The following SETDB1 variants were observed in gnomAD, a reference collection of about 807,000 sequenced individuals.
SETDB1 encodes histone-lysine N-methyltransferase SETDB1.
SETDB1 carries 31 observed loss-of-function variants against 137.4 expected under a neutral mutation model. That is an observed-to-expected ratio of 0.23 (90% confidence interval 0.17 to 0.30). The LOEUF is 0.30. SETDB1 is among the 10% of genes least tolerant of loss of function. The pLI is 1.00. For synonymous variants in SETDB1, 548 were observed against 579.9 expected (o/e 0.95, Z 0.79); for missense variants, 1,113 against 1,631.5 (o/e 0.68, Z 5.47).
At chr1:150,962,558 G>A (rs753493433) in intron 17 of SETDB1, 29 bp from the exon 18 acceptor site, 24 of 1,612,210 alleles carry the variant, frequency 1.5e-5, no homozygotes, top group Non-Finnish European at 2.0e-5. Flanking sequence ...CCAGTAACCT[G>A]TTGGCTTCAT....
chr1:150,959,129 G>A, intron 14 of SETDB1, 49 bp from the exon 15 acceptor site: 1 of 1,318,026 alleles, frequency 7.6e-7, no homozygotes, highest in Non-Finnish European at 1.0e-6. Flanking sequence ...GGATTTTTTT[G>A]TGCTCTAGTG....
At chr1:150,933,082 C>T (rs1669814912) in intron 3 of SETDB1, among the ~76,000 whole-genome samples, 1 of 151,886 alleles carries the variant, frequency 6.6e-6, no homozygotes. Flanking sequence ...GATTGATTGA[C>T]AAGGTCTCAC....
At chr1:150,927,257 C>T (rs997465915) in intron 1 of SETDB1, among the ~76,000 whole-genome samples, 2 of 152,162 alleles carry the variant, frequency 1.3e-5, no homozygotes, top group Admixed American at 1.3e-4. Context: ...TCCTGAGTAG[C>T]TGGAACTAAA....
At chr1:150,957,245 A>G (rs1175864724) in intron 14 of SETDB1, among the ~76,000 whole-genome samples, 1 of 151,984 alleles carries the variant, frequency 6.6e-6, no homozygotes, top group African/African-American at 2.4e-5. Context: ...GCATGCACCT[A>G]TAATCCCAGC....
In SETDB1 at chr1:150,962,964, G is replaced by C; in HGVS notation, c.3295-10G>C. 1.9e-6 allele frequency: 3 copies of C among 1,612,048 alleles called. No individual in the cohort carries two copies. Among genetic ancestry groups the C allele is most frequent in the Non-Finnish European group, 2.5e-6 (3 of 1,178,554 alleles). On this transcript the variant is annotated splice_polypyrimidine_tract_variant and intron_variant, in intron 18 of 21. Coordinates refer to ENST00000692827, the MANE Select transcript of SETDB1 (RefSeq NM_001366418.1). ...TACTTCTCTTACTTCTTACCCTCCT[G>C]CTTCCCCAGGATGTCCTGACACTGT...
At chr1:150,946,781 G>A in intron 9 of SETDB1, 105 bp from the exon 10 acceptor site, 1 of 1,352,352 alleles carries the variant, frequency 7.4e-7, no homozygotes, top group East Asian at 2.4e-5. Flanking sequence ...AGGCTCATCA[G>A]GGAGGATTCC....
intron 3 of SETDB1, among the ~76,000 whole-genome samples, chr1:150,938,439 A>C (rs930601956): frequency 1.3e-5 from 2 of 152,138 alleles, no homozygotes; most frequent in Non-Finnish European, 2.9e-5. Flanking sequence ...GAAATTCTTC[A>C]TCACTCCAGA....
intron 3 of SETDB1, among the ~76,000 whole-genome samples, chr1:150,931,545 A>C (rs1669746487): frequency 6.6e-6 from 1 of 151,226 alleles, no homozygotes; most frequent in South Asian, 2.1e-4. Context: ...AAACCACACT[A>C]CTACATGTAT....
rs768614987 is a variant in SETDB1 at position 150,962,929 on chromosome 1, C to T, written c.3295-45C>T. 3.8e-6 allele frequency: 6 copies of T among 1,597,662 alleles called. No homozygotes were observed. The African/African-American group carries it at 4.0e-5, about 11-fold the overall frequency. On this transcript the variant is annotated intron_variant, in intron 18 of 21. Coordinates refer to ENST00000692827, the MANE Select transcript of SETDB1 (RefSeq NM_001366418.1). ...GGTAACAGCAAGGACTTAAAGGAGCCCTTCCCATTTACTTCTCTTACTTCT... is the reference window on the plus strand; with the variant it reads ...GGTAACAGCAAGGACTTAAAGGAGCTCTTCCCATTTACTTCTCTTACTTCT...
rs61548246 is a variant in SETDB1, at chr1:150,930,519, C to CTTTTTTTTTTTT, written c.412+417_412+428dup. 11 of 65,852 alleles carry CTTTTTTTTTTTT rather than the reference C, an allele frequency of 1.7e-4. 1 individual carries two copies. Among genetic ancestry groups the CTTTTTTTTTTTT allele is most frequent in the Non-Finnish European group, 2.0e-4 (8 of 39,106 alleles). The allele number at this position is 65,852 out of a possible 1,614,324, so 4.1% of individuals were successfully genotyped here. A position where few individuals can be genotyped will look rare whatever the true frequency, so the allele number is the denominator to read the frequency against. On this transcript the variant is annotated intron_variant, in intron 3 of 21. Transcript: ENST00000692827. ...CTTTTTGTTGATTCCTTAGGATTTT[C>CTTTTTTTTTTTT]TTTTTTTTTTTTTTTTTTTTTTTTT...
chr1:150,954,145 C>T (rs587612950), intron 14 of SETDB1, among the ~76,000 whole-genome samples: 11 of 152,256 alleles, frequency 7.2e-5, no homozygotes, highest in Non-Finnish European at 1.3e-4. Flanking sequence ...TGAGCCACCG[C>T]GCCCAGCCTA....
chr1:150,937,067 G>C (rs1302754188), intron 3 of SETDB1, among the ~76,000 whole-genome samples: 1 of 152,098 alleles, frequency 6.6e-6, no homozygotes, highest in Non-Finnish European at 1.5e-5. Context: ...GGAGGTTGCT[G>C]TGAGCCAAGA....
At chr1:150,948,270 ATT>A (rs376302541) in intron 10 of SETDB1, among the ~76,000 whole-genome samples, 8 of 135,838 alleles carry the variant, frequency 5.9e-5, no homozygotes, top group African/African-American at 8.2e-5. Flanking sequence ...CAGAGTAGCA[ATT>A]TTTTTTTTTT....
chr1:150,934,230 T>C (rs1051865800), intron 3 of SETDB1, among the ~76,000 whole-genome samples: 37 of 152,054 alleles, frequency 2.4e-4, no homozygotes, highest in African/African-American at 8.5e-4. Context: ...CCCAGCACTT[T>C]GGGAGGCCGA....
At chr1:150,963,374 A>G (rs1235465775) in intron 19 of SETDB1, 156 bp from the exon 20 acceptor site, 7 of 806,834 alleles carry the variant, frequency 8.7e-6, no homozygotes, top group South Asian at 1.7e-5. Context: ...ATTATGCTTG[A>G]AAAAAAAACC....
Position 150,951,357 on chromosome 1 carries a change from T to G in SETDB1, c.2217-8T>G. 1 of 1,580,528 alleles carries G rather than the reference T, an allele frequency of 6.3e-7. No homozygotes were observed. Among genetic ancestry groups the G allele is most frequent in the Non-Finnish European group, 8.7e-7 (1 of 1,149,648 alleles). ...CGCTCCTTTCCTTTATTTCCCTCTGTCATATAGGTCCAAGTGTGCCTGCCA... is the reference window on the plus strand; with the variant it reads ...CGCTCCTTTCCTTTATTTCCCTCTGGCATATAGGTCCAAGTGTGCCTGCCA... On this transcript the variant is annotated splice_polypyrimidine_tract_variant and splice_region_variant and intron_variant, in intron 13 of 21. Transcript: ENST00000692827.
chr1:150,942,524 A>C, intron 5 of SETDB1, 39 bp from the exon 6 acceptor site: 2 of 1,580,352 alleles, frequency 1.3e-6, no homozygotes, highest in Non-Finnish European at 8.6e-7. Context: ...TACCGAATCT[A>C]TGTCATAACT....
intron 3 of SETDB1, 125 bp downstream of exon 3, chr1:150,930,243 G>C (rs1669681274): frequency 1.2e-6 from 1 of 833,098 alleles, no homozygotes; most frequent in Non-Finnish European, 1.8e-6. Context: ...CTAACTGCCT[G>C]AGTTGGCTAT....
rs769393343 is a variant in SETDB1, at chr1:150,926,494, G to A, written c.-35G>A. 2 of 326,280 alleles carry A rather than the reference G, an allele frequency of 6.1e-6. No individual in the cohort carries two copies. Among genetic ancestry groups the A allele is most frequent in the African/African-American group, 2.2e-5 (1 of 45,472 alleles). 20.2% of individuals were successfully genotyped at this position (326,280 alleles called of 1,614,324 possible). ...TCTGGGGTCTGGTTGGTGAAAAAGA[G>A]CCCTTGAAGCTGGAAGACGGGAGGT... is the stretch of plus-strand genomic sequence containing the variant. On this transcript the variant is annotated 5_prime_UTR_variant, in exon 1 of 22. Coordinates refer to ENST00000692827, the MANE Select transcript of SETDB1 (RefSeq NM_001366418.1).
Sources: allele counts gnomAD v4.1 joint callset (sites outside exome capture counted in the v4.1 genomes callset), GRCh38; gene constraint gnomAD v4.1.1; transcripts MANE v1.5; gene names NCBI Gene and HGNC (gene_info 2026-07-23, HGNC 2026-07-21).